Variants in LRRTM4 observed in about 807,000 individuals in gnomAD.
LRRTM4 encodes the protein leucine rich repeat transmembrane neuronal 4.
LRRTM4 carries 25 observed loss-of-function variants against 47.6 expected under a neutral mutation model. The ratio of observed to expected loss-of-function variants is 0.53; its 90% CI spans 0.38 to 0.73. The LOEUF (loss-of-function observed/expected upper bound fraction) is 0.73. LRRTM4 is among the 30% of genes least tolerant of loss of function. The probability of loss-of-function intolerance (pLI) is 0.00; values close to 1 mark genes in which losing one functional copy is unlikely to be tolerated. For synonymous variants in LRRTM4, 311 were observed against 269.5 expected (o/e 1.15, Z -1.51); for missense variants, 638 against 713.4 (o/e 0.89, Z 1.20).
At chr2:76,978,711 G>A (rs1413423546) in intron 3 of LRRTM4, among the ~76,000 whole-genome samples, 1 of 151,994 alleles carries the variant, frequency 6.6e-6, no homozygotes. Context: ...TATGCATAGC[G>A]AGCCGCTGAA....
chr2:77,059,682 A>T (rs905356028), intron 3 of LRRTM4, among the ~76,000 whole-genome samples: 1 of 152,324 alleles, frequency 6.6e-6, no homozygotes, highest in African/African-American at 2.4e-5. Flanking sequence ...CTCACATACA[A>T]TGACAGTACA....
chr2:76,889,141 T>C (rs1673172493), intron 3 of LRRTM4, among the ~76,000 whole-genome samples: 1 of 151,930 alleles, frequency 6.6e-6, no homozygotes, highest in Non-Finnish European at 1.5e-5. Flanking sequence ...GGAGGAAACG[T>C]AAAAAGATTT....
At chr2:77,518,088 C>A in intron 3 of LRRTM4, 1 of 1,264,786 alleles carries the variant, frequency 7.9e-7, no homozygotes, top group Admixed American at 3.8e-5. Context: ...TGCTTTATTC[C>A]AACTTATCCT....
At chr2:77,135,916 A>G (rs150540382) in intron 3 of LRRTM4, among the ~76,000 whole-genome samples, 256 of 152,302 alleles carry the variant, frequency 1.7e-3, no homozygotes, top group African/African-American at 5.7e-3. Context: ...AATTAACAGC[A>G]TTCAAAACAT....
intron 3 of LRRTM4, among the ~76,000 whole-genome samples, chr2:76,790,265 G>A (rs74723772): frequency 0.072 from 11,018 of 152,106 alleles, 691 homozygotes; most frequent in East Asian, 0.28. Flanking sequence ...TTGTCAGTAC[G>A]GTGGTATGGG....
At chr2:77,327,195 T>C (rs768139703) in intron 3 of LRRTM4, among the ~76,000 whole-genome samples, 1 of 152,252 alleles carries the variant, frequency 6.6e-6, no homozygotes, top group Non-Finnish European at 1.5e-5. Context: ...ATTGTGGTAC[T>C]AAAGTATAAC....
chr2:76,987,050 A>G (rs2103981033), intron 3 of LRRTM4, among the ~76,000 whole-genome samples: 1 of 152,022 alleles, frequency 6.6e-6, no homozygotes, highest in Admixed American at 6.6e-5. Context: ...AGAAAGCGTG[A>G]AAAAAATAAA....
chr2:77,019,104 A>C (rs1407382260), intron 3 of LRRTM4, among the ~76,000 whole-genome samples: 1 of 151,942 alleles, frequency 6.6e-6, no homozygotes, highest in Non-Finnish European at 1.5e-5. Context: ...TATATGAAAA[A>C]CTTCTTGAAT....
chr2:77,299,264 C>CAT (rs922103920), intron 3 of LRRTM4, among the ~76,000 whole-genome samples: 4 of 66,278 alleles, frequency 6.0e-5, no homozygotes, highest in African/African-American at 1.4e-4. Flanking sequence ...TATATACACA[C>CAT]ACACACACAC....
At chr2:76,971,610 GTTGGAGCAATA>G (rs1322523198) in intron 3 of LRRTM4, among the ~76,000 whole-genome samples, 1 of 152,006 alleles carries the variant, frequency 6.6e-6, no homozygotes, top group Non-Finnish European at 1.5e-5. Flanking sequence ...ATGGTGTCTT[GTTGGAGCAATA>G]TTGGAGCAAG....
intron 3 of LRRTM4, among the ~76,000 whole-genome samples, chr2:76,900,364 T>C (rs1673582035): frequency 6.6e-6 from 1 of 152,088 alleles, no homozygotes; most frequent in African/African-American, 2.4e-5. Flanking sequence ...TAGTTTGCAA[T>C]ATGTATCAAA....
intron 3 of LRRTM4, among the ~76,000 whole-genome samples, chr2:76,820,237 A>G (rs745777074): frequency 2.6e-5 from 4 of 151,728 alleles, no homozygotes; most frequent in African/African-American, 7.2e-5. Context: ...TGGATAATCT[A>G]CTTTGTCCAT....
chr2:76,798,963 C>T (rs1675511049), intron 3 of LRRTM4, among the ~76,000 whole-genome samples: 1 of 151,066 alleles, frequency 6.6e-6, no homozygotes, highest in African/African-American at 2.4e-5. Context: ...TAATCAATAG[C>T]TTACCAACCA....
intron 3 of LRRTM4, among the ~76,000 whole-genome samples, chr2:77,111,283 ATTTTT>A (rs71381260): frequency 8.8e-6 from 1 of 113,168 alleles, no homozygotes; most frequent in East Asian, 2.7e-4. Flanking sequence ...ACACCTGGCT[ATTTTT>A]TTTTTTTTTT....
chr2:77,186,678 T>C (rs536054007), intron 3 of LRRTM4, among the ~76,000 whole-genome samples: 1 of 152,290 alleles, frequency 6.6e-6, no homozygotes, highest in South Asian at 2.1e-4. Flanking sequence ...CGTATTGGCA[T>C]GAAGCAACTT....
intron 3 of LRRTM4, among the ~76,000 whole-genome samples, chr2:77,475,688 A>G (rs923521918): frequency 6.6e-6 from 1 of 151,818 alleles, no homozygotes; most frequent in African/African-American, 2.4e-5. Flanking sequence ...TCACTAATAC[A>G]TAAAAATTCC....
intron 3 of LRRTM4, among the ~76,000 whole-genome samples, chr2:77,111,781 G>C (rs1174834947): frequency 6.6e-6 from 1 of 152,092 alleles, no homozygotes; most frequent in Non-Finnish European, 1.5e-5. Context: ...CTGAAGTAAA[G>C]CTGGAAATTA....
At chr2:76,909,126 G>A (rs1363594265) in intron 3 of LRRTM4, among the ~76,000 whole-genome samples, 1 of 152,082 alleles carries the variant, frequency 6.6e-6, no homozygotes, top group Non-Finnish European at 1.5e-5. Context: ...AAACAGCATG[G>A]CACTGGCACC....
chr2:76,933,830 C>A (rs990280690), intron 3 of LRRTM4, among the ~76,000 whole-genome samples: 1 of 152,052 alleles, frequency 6.6e-6, no homozygotes, highest in African/African-American at 2.4e-5. Flanking sequence ...CTGGAAACAC[C>A]AGCTTTAGAG....
Sources: gnomAD v4.1 joint callset for allele counts (sites outside exome capture counted in the v4.1 genomes callset) on GRCh38, gnomAD v4.1.1 for gene constraint, MANE v1.5 for transcripts, NCBI Gene and HGNC (gene_info 2026-07-23, HGNC 2026-07-21) for gene names.